Variants in CACNA1C observed in about 807,000 individuals in gnomAD.
CACNA1C encodes the protein voltage-dependent L-type calcium channel subunit alpha-1C.
CACNA1C carries 30 observed loss-of-function variants against 229.0 expected under a neutral mutation model. The ratio of observed to expected loss-of-function variants is 0.13; its 90% CI spans 0.10 to 0.18. The LOEUF (loss-of-function observed/expected upper bound fraction) is 0.18, where lower values mean the gene tolerates loss of function less well. Among genes scored for constraint, CACNA1C ranks in the 10% least tolerant of loss-of-function variants. The probability of loss-of-function intolerance (pLI) is 1.00; values close to 1 mark genes in which losing one functional copy is unlikely to be tolerated. For missense variants in CACNA1C, 1,658 were observed against 2,845.0 expected (o/e 0.58, Z 9.49); for synonymous variants, 1,114 against 1,132.5 (o/e 0.98, Z 0.33).
chr12:1,982,305 C>T (rs1376475630), intron 1 of CACNA1C, among the ~76,000 whole-genome samples: 3 of 152,072 alleles, frequency 2.0e-5, no homozygotes, highest in Admixed American at 6.5e-5. Flanking sequence ...GCAACCATCA[C>T]CGCTATCCAT....
At chr12:2,676,941 T>G in intron 39 of CACNA1C, 153 bp from the exon 40 acceptor site, 1 of 620,368 alleles carries the variant, frequency 1.6e-6, no homozygotes, top group South Asian at 2.1e-5. Context: ...TTTTATGGTT[T>G]TTTTTCTCTC....
At position 2,120,313 on chromosome 12, in the gene CACNA1C, TC is replaced by T; in HGVS notation, c.372-9del. On this transcript the variant is annotated splice_polypyrimidine_tract_variant and intron_variant, in intron 2 of 46. Transcript: ENST00000399655. The stretch of plus-strand genomic sequence containing the variant: ...TTTCTGTGGCATTAACTTCCTTGAC[TC>T]CCTTTCTCAGACCATTTGAAATAAT... The T allele has an allele frequency of 2.3e-6, 3 of 1,324,490 alleles. No homozygotes were observed. Among genetic ancestry groups the T allele is most frequent in the Non-Finnish European group, 3.3e-6 (3 of 915,482 alleles). 82.0% of individuals were successfully genotyped at this position (1,324,490 alleles called of 1,614,324 possible). A position where few individuals can be genotyped will look rare whatever the true frequency, so the allele number is the denominator to read the frequency against.
chr12:2,386,755 G>A (rs1367970457), intron 3 of CACNA1C, among the ~76,000 whole-genome samples: 1 of 152,198 alleles, frequency 6.6e-6, no homozygotes, highest in Admixed American at 6.5e-5. Flanking sequence ...CCGAGGGCAA[G>A]GGCGTGCCCT....
chr12:2,589,600 G>A (rs1051176238), intron 18 of CACNA1C, among the ~76,000 whole-genome samples: 2 of 152,098 alleles, frequency 1.3e-5, no homozygotes, highest in Non-Finnish European at 2.9e-5. Flanking sequence ...AGGGCCATGC[G>A]GGAGGCTGGG....
chr12:2,304,519 C>T (rs905316595), intron 3 of CACNA1C, among the ~76,000 whole-genome samples: 2 of 152,176 alleles, frequency 1.3e-5, no homozygotes, highest in African/African-American at 4.8e-5. Context: ...TTTTGCTGTG[C>T]CACCTCCCGA....
At chr12:2,658,812 G>A (rs187628808) in intron 34 of CACNA1C, among the ~76,000 whole-genome samples, 3 of 151,434 alleles carry the variant, frequency 2.0e-5, no homozygotes, top group Non-Finnish European at 4.4e-5. Flanking sequence ...AGTAGGCCTA[G>A]GCTAATGTGT....
At chr12:2,394,362 C>T (rs746677564) in intron 3 of CACNA1C, among the ~76,000 whole-genome samples, 13 of 152,152 alleles carry the variant, frequency 8.5e-5, no homozygotes, top group Non-Finnish European at 1.5e-4. Flanking sequence ...ATAAGAGTGA[C>T]TAATAAATAA....
At chr12:2,068,272 G>A (rs2060093363) in intron 1 of CACNA1C, among the ~76,000 whole-genome samples, 1 of 152,198 alleles carries the variant, frequency 6.6e-6, no homozygotes, top group African/African-American at 2.4e-5. Context: ...TGAATGACCA[G>A]CAGGTACCCC....
intron 1 of CACNA1C, chr12:1,992,988 TAAG>T (rs759975270): frequency 8.1e-6 from 5 of 617,600 alleles, no homozygotes; most frequent in Non-Finnish European, 1.4e-5. Context: ...TGCTCAGGCT[TAAG>T]ATCAGCAATG....
In CACNA1C at chr12:2,200,743, C is replaced by T. The variant is rs369708389; in HGVS notation, c.477+80313C>T. Among the ~76,000 whole-genome samples the T allele has an allele frequency of 1.1e-4, 17 of 152,222 alleles. 1 individual carries two copies. Among genetic ancestry groups the T allele is most frequent in the East Asian group, 7.7e-4 (4 of 5,168 alleles). On this transcript the variant is annotated intron_variant, in intron 3 of 46. Transcript: ENST00000399655. The stretch of plus-strand genomic sequence containing the variant: ...TAGCTGTGGGAGTTACTTAGATCGA[C>T]GGATTGGGGAAAGCTTTCTGAGAGG...
At chr12:2,340,682 G>A (rs1206140184) in intron 3 of CACNA1C, among the ~76,000 whole-genome samples, 1 of 152,262 alleles carries the variant, frequency 6.6e-6, no homozygotes, top group Non-Finnish European at 1.5e-5. Flanking sequence ...CACTGGCTGG[G>A]TGTGGTGGCT....
chr12:2,381,858 C>T (rs1178340268), intron 3 of CACNA1C, among the ~76,000 whole-genome samples: 1 of 152,132 alleles, frequency 6.6e-6, no homozygotes, highest in East Asian at 1.9e-4. Context: ...AGAAAATCTC[C>T]CAGTCCTTGG....
At chr12:2,129,402 G>A (rs777645422) in intron 3 of CACNA1C, among the ~76,000 whole-genome samples, 2 of 152,188 alleles carry the variant, frequency 1.3e-5, no homozygotes, top group Admixed American at 1.3e-4. Flanking sequence ...TCTGCTCTGC[G>A]TTTGCCAGCG....
intron 3 of CACNA1C, among the ~76,000 whole-genome samples, chr12:2,386,111 G>A (rs574468775): frequency 1.2e-4 from 18 of 152,234 alleles, no homozygotes; most frequent in African/African-American, 4.1e-4. Context: ...CTATATAATG[G>A]TGTGCTACTA....
At chr12:2,270,684 C>T (rs1411859682) in intron 3 of CACNA1C, among the ~76,000 whole-genome samples, 3 of 152,196 alleles carry the variant, frequency 2.0e-5, no homozygotes, top group East Asian at 3.8e-4. Flanking sequence ...ATTGGACTCC[C>T]TTTCTGGTTT....
At chr12:2,409,831 G>A (rs879759253) in intron 3 of CACNA1C, among the ~76,000 whole-genome samples, 14 of 152,216 alleles carry the variant, frequency 9.2e-5, no homozygotes, top group Admixed American at 2.6e-4. Context: ...CGCAGGGCCC[G>A]CTGCCCAGCA....
intron 13 of CACNA1C, among the ~76,000 whole-genome samples, chr12:2,570,048 A>T (rs1490466558): frequency 6.6e-6 from 1 of 152,224 alleles, no homozygotes; most frequent in East Asian, 1.9e-4. Context: ...TGCAGACCTG[A>T]CTTGCAGTAG....
intron 3 of CACNA1C, among the ~76,000 whole-genome samples, chr12:2,280,310 G>A (rs1316844881): frequency 2.6e-4 from 20 of 78,374 alleles, no homozygotes; most frequent in African/African-American, 1.6e-3. Context: ...ATACCTTGCT[G>A]TGCTTCGGTT....
At chr12:2,655,093 T>C in intron 33 of CACNA1C, 54 bp from the exon 34 acceptor site, 1 of 1,091,714 alleles carries the variant, frequency 9.2e-7, no homozygotes, top group East Asian at 2.4e-5. Context: ...TGGTGGGAAA[T>C]TAGGACCCTA....
Sources: gnomAD v4.1 joint callset for allele counts (sites outside exome capture counted in the v4.1 genomes callset) on GRCh38, gnomAD v4.1.1 for gene constraint, MANE v1.5 for transcripts, NCBI Gene and HGNC (gene_info 2026-07-23, HGNC 2026-07-21) for gene names.